VAPB: variants seen among roughly 807,000 people sequenced by gnomAD.
VAPB encodes vesicle-associated membrane protein-associated protein B/C.
In VAPB, 7 loss-of-function variants were observed where a neutral mutation model predicts 25.6. The observed-to-expected ratio is 0.27, with a 90% confidence interval of 0.16 to 0.51. VAPB has a LOEUF of 0.51. VAPB is among the 20% of genes least tolerant of loss of function. VAPB has a pLI of 0.97. For missense variants in VAPB, 266 were observed against 301.3 expected (o/e 0.88, Z 0.87); for synonymous variants, 112 against 109.2 (o/e 1.03, Z -0.16).
chr20:58,399,300 C>T (rs1349086705), intron 1 of VAPB, among the ~76,000 whole-genome samples: 1 of 120,846 alleles, frequency 8.3e-6, no homozygotes, highest in East Asian at 2.3e-4. Context: ...AACTCCGTCT[C>T]AAAAAAAAAA....
intron 1 of VAPB, among the ~76,000 whole-genome samples, chr20:58,402,840 A>T (rs1988132282): frequency 6.6e-6 from 1 of 152,168 alleles, no homozygotes; most frequent in Non-Finnish European, 1.5e-5. Context: ...CCCCATCTCT[A>T]CTAAAAATAC....
intron 1 of VAPB, among the ~76,000 whole-genome samples, chr20:58,401,176 C>T (rs117711096): frequency 0.019 from 2,865 of 152,244 alleles, 45 homozygotes; most frequent in Non-Finnish European, 0.029. Flanking sequence ...GCTTTTGTTG[C>T]CTTTCTCTTC....
chr20:58,436,356 CATG>C, intron 3 of VAPB, among the ~76,000 whole-genome samples: 1 of 92,306 alleles, frequency 1.1e-5, no homozygotes, highest in Middle Eastern at 7.7e-3. Flanking sequence ...TTTTTGGAGA[CATG>C]ATTTTACTGT....
At chr20:58,438,871 T>C in intron 3 of VAPB, 74 bp from the exon 4 acceptor site, 1 of 1,304,612 alleles carries the variant, frequency 7.7e-7, no homozygotes, top group South Asian at 1.2e-5. Context: ...TTTCTGAAAT[T>C]GTCAGTTATA....
At chr20:58,428,896 G>A (rs565062694) in intron 2 of VAPB, among the ~76,000 whole-genome samples, 1 of 152,282 alleles carries the variant, frequency 6.6e-6, no homozygotes, top group East Asian at 1.9e-4. Context: ...TACTCCAGAA[G>A]TTTATGAAGT....
intron 2 of VAPB, among the ~76,000 whole-genome samples, chr20:58,423,681 T>A (rs1250172657): frequency 6.6e-6 from 1 of 152,122 alleles, no homozygotes; most frequent in Non-Finnish European, 1.5e-5. Context: ...CATTTATCCA[T>A]CAAGCACTGA....
chr20:58,439,829 A>G (rs1989124156), intron 4 of VAPB: 1 of 152,128 alleles, frequency 6.6e-6, no homozygotes, highest in African/African-American at 2.4e-5. Context: ...CTGAAATGCT[A>G]ATTTGGACTT....
At chr20:58,413,664 A>G (rs1446503873) in intron 1 of VAPB, among the ~76,000 whole-genome samples, 1 of 151,184 alleles carries the variant, frequency 6.6e-6, no homozygotes, top group Non-Finnish European at 1.5e-5. Flanking sequence ...TGTTGGGCAC[A>G]CCTCCCAGAC....
intron 2 of VAPB, among the ~76,000 whole-genome samples, chr20:58,422,452 T>C (rs917706729): frequency 6.6e-6 from 1 of 152,228 alleles, no homozygotes; most frequent in Admixed American, 6.5e-5. Context: ...AAGAACTTTT[T>C]GAATTAACGA....
rs1274264577 is a variant in VAPB, at chr20:58,444,345, AGG to A, written c.*111_*112del. 6.5e-7 allele frequency: 1 copy of A among 1,533,100 alleles called. No homozygotes were observed. Among genetic ancestry groups the A allele is most frequent in the South Asian group, 1.1e-5 (1 of 88,736 alleles). The allele number at this position is 1,533,100 out of a possible 1,614,324, so 95.0% of individuals were successfully genotyped here. A position where few individuals can be genotyped will look rare whatever the true frequency, so the allele number is the denominator to read the frequency against. ...AAATTAATGTATGATGACATCTCAC[AGG>A]TCTTGCCTTTAAATTACCCCTCCCT... On this transcript the variant is annotated 3_prime_UTR_variant, in exon 6 of 6. Coordinates refer to ENST00000475243, the MANE Select transcript of VAPB (RefSeq NM_004738.5).
chr20:58,415,580 GAC>G (rs368514586), intron 1 of VAPB, among the ~76,000 whole-genome samples: 1 of 152,124 alleles, frequency 6.6e-6, no homozygotes, highest in East Asian at 1.9e-4. Flanking sequence ...TGGTTCTAGA[GAC>G]ACATCATTTT....
At chr20:58,414,852 A>G (rs1988497594) in intron 1 of VAPB, among the ~76,000 whole-genome samples, 1 of 152,198 alleles carries the variant, frequency 6.6e-6, no homozygotes, top group Non-Finnish European at 1.5e-5. Context: ...CAATCTCAGC[A>G]CTCTGGGAGG....
intron 5 of VAPB, among the ~76,000 whole-genome samples, chr20:58,441,418 G>A (rs981014938): frequency 6.6e-6 from 1 of 151,994 alleles, no homozygotes. Flanking sequence ...AAGGCGGGCC[G>A]ATCACAAGGT....
rs928394391 is a variant in VAPB, at chr20:58,443,957, G to A, written c.574-120G>A. 4.7e-5 allele frequency: 68 copies of A among 1,439,082 alleles called. 4 individuals carry two copies. Among genetic ancestry groups the A allele is most frequent in the South Asian group, 4.3e-4 (37 of 85,650 alleles). The allele number at this position is 1,439,082 out of a possible 1,614,324, so 89.1% of individuals were successfully genotyped here. A position where few individuals can be genotyped will look rare whatever the true frequency, so the allele number is the denominator to read the frequency against. On this transcript the variant is annotated intron_variant, in intron 5 of 5. Transcript: ENST00000475243. ...TGCAGTTTCTCCGTTTGCAAAATGC[G>A]GTTGGACCATATCATGTCATCCAAC...
rs1387223603 is a variant in VAPB at position 58,389,416 on chromosome 20, C to T, written c.-44C>T. ...CATTAACGCTTCCCGCCCCGGTGAC[C>T]TCTCAGGGGTCTCCCCGCCAAAGGT... On this transcript the variant is annotated 5_prime_UTR_variant, in exon 1 of 6. Transcript: ENST00000475243. 1 of 1,566,078 alleles carries T rather than the reference C, an allele frequency of 6.4e-7. No homozygotes were observed. The highest frequency in any genetic ancestry group is 8.7e-7 in the Non-Finnish European group (1 of 1,155,610).
rs1386200572 is a variant in VAPB at position 58,445,487 on chromosome 20, CCCAGTTCTGTTTGACTAT to C, written c.*1253_*1270del. 1 of 454,332 alleles carries C rather than the reference CCCAGTTCTGTTTGACTAT, an allele frequency of 2.2e-6. No individual in the cohort carries two copies. The highest frequency in any genetic ancestry group is 4.4e-6 in the Non-Finnish European group (1 of 226,764). The allele number at this position is 454,332 out of a possible 1,614,324, so 28.1% of individuals were successfully genotyped here. On this transcript the variant is annotated 3_prime_UTR_variant, in exon 6 of 6. Transcript: ENST00000475243. ...TTAATTTTATGCCATAAAAGACCAA[CCCAGTTCTGTTTGACTAT>C]GTAGCATCTTGAAAAGAAAAATTAT... is the stretch of plus-strand genomic sequence containing the variant.
rs1988998892 is a variant in VAPB, at chr20:58,434,659, T to A, written c.269T>A (p.Val90Asp). ...GAGAAAAGTAAACACAAGTTTATGG[T>A]TCAGTCTATGTTTGCTCCAACTGAC... is the stretch of plus-strand genomic sequence containing the variant. ...PNEKSKHKFM[V>D]QSMFAPTDTS... The change falls in exon 3 of 6, where the codon GTT (valine) becomes GAT (aspartate). Residue 90 changes from valine (V) to aspartate (D), a missense_variant. By Grantham distance (152) the Val-to-Asp change is radical. This residue lies in a region of VAPB where 98 missense variants were observed against 147.1 expected (regional missense o/e 0.67). Coordinates refer to ENST00000475243, the MANE Select transcript of VAPB (RefSeq NM_004738.5). 1.9e-6 allele frequency: 3 copies of A among 1,601,386 alleles called. No individual in the cohort carries two copies. The highest frequency in any genetic ancestry group is 2.6e-6 in the Non-Finnish European group (3 of 1,168,852).
rs1179078580 is a variant in VAPB, at chr20:58,444,759, G to T, written c.*524G>T. The T allele has an allele frequency of 8.8e-6, 4 of 454,444 alleles. No homozygotes were observed. Among genetic ancestry groups the T allele is most frequent in the Non-Finnish European group, 1.3e-5 (3 of 226,824 alleles). 28.2% of individuals were successfully genotyped at this position (454,444 alleles called of 1,614,324 possible). A position where few individuals can be genotyped will look rare whatever the true frequency, so the allele number is the denominator to read the frequency against. ...TTGGGACTGATGAACAGAGTCAGAAGCCCAAAGGAATTGCACTGTGGCAGC... is the reference window on the plus strand; with the variant it reads ...TTGGGACTGATGAACAGAGTCAGAATCCCAAAGGAATTGCACTGTGGCAGC... On this transcript the variant is annotated 3_prime_UTR_variant, in exon 6 of 6. Coordinates refer to ENST00000475243, the MANE Select transcript of VAPB (RefSeq NM_004738.5).
At position 58,418,289 on chromosome 20, in the gene VAPB, C is replaced by G; in HGVS notation, c.137C>G (p.Thr46Ser). ...TDRNVCFKVK[T>S]TAPRRYCVRP... ...CGAAATGTGTGTTTTAAGGTGAAGA[C>G]TACAGCACCACGTAGGTACTGTGTG... Residue 46 changes from threonine to serine, a missense_variant, in exon 2 of 6, where the codon ACT becomes AGT. Coordinates refer to ENST00000475243, the MANE Select transcript of VAPB (RefSeq NM_004738.5). The G allele has an allele frequency of 1.2e-6, 2 of 1,614,198 alleles. No homozygotes were observed. The highest frequency in any genetic ancestry group is 1.7e-6 in the Non-Finnish European group (2 of 1,180,032).
Sources: allele counts gnomAD v4.1 joint callset (sites outside exome capture counted in the v4.1 genomes callset), GRCh38; gene constraint gnomAD v4.1.1; regional missense constraint gnomAD v4.1.1; transcripts MANE v1.5; gene names NCBI Gene and HGNC (gene_info 2026-07-23, HGNC 2026-07-21).